The following TTC28 variants were observed in gnomAD, a reference collection of about 807,000 sequenced individuals.
TTC28 encodes the protein tetratricopeptide repeat protein 28.
TTC28 carries 61 observed loss-of-function variants against 198.0 expected under a neutral mutation model. The observed-to-expected ratio is 0.31, with a 90% CI of 0.25 to 0.38. The LOEUF (loss-of-function observed/expected upper bound fraction) is 0.38. TTC28 is among the 10% of genes least tolerant of loss of function. The pLI is 1.00. For synonymous variants in TTC28, 1,171 were observed against 1,297.8 expected (o/e 0.90, Z 2.10); for missense variants, 2,678 against 3,164.0 (o/e 0.85, Z 3.69).
chr22:28,345,381 T>G (rs1458286866), intron 2 of TTC28, among the ~76,000 whole-genome samples: 1 of 152,116 alleles, frequency 6.6e-6, no homozygotes. Flanking sequence ...TCTTATACAG[T>G]GCATGGGACT....
intron 14 of TTC28, among the ~76,000 whole-genome samples, chr22:28,011,331 C>G (rs1314069577): frequency 1.3e-5 from 2 of 152,170 alleles, no homozygotes; most frequent in Non-Finnish European, 2.9e-5. Flanking sequence ...CATGGTGGTT[C>G]ACGCCCGTAA....
rs549713807 is a variant in TTC28, at chr22:27,996,042, C to G, written c.5244+93G>C. 2.0e-6 allele frequency: 3 copies of G among 1,471,760 alleles called. No homozygotes were observed. In the East Asian group the frequency reaches 7.4e-5, roughly 37 times the overall value. 91.2% of individuals were successfully genotyped at this position (1,471,760 alleles called of 1,614,324 possible). The stretch of plus-strand genomic sequence containing the variant: ...GCCCCAATCACGGTGTCCTCTCCAA[C>G]TGCTCACATCCCCGTGTAGGGAAAC... On this transcript the variant is annotated intron_variant, in intron 17 of 22. Coordinates refer to ENST00000397906, the MANE Select transcript of TTC28 (RefSeq NM_001145418.2).
At chr22:28,029,685 C>A (rs1181651213) in intron 13 of TTC28, among the ~76,000 whole-genome samples, 2 of 152,148 alleles carry the variant, frequency 1.3e-5, no homozygotes, top group African/African-American at 4.8e-5. Flanking sequence ...CATCTTAAAG[C>A]CATTAAGGCC....
chr22:28,150,123 G>C (rs1201417655), intron 6 of TTC28, among the ~76,000 whole-genome samples: 1 of 152,150 alleles, frequency 6.6e-6, no homozygotes, highest in Non-Finnish European at 1.5e-5. Flanking sequence ...CCTTTAAATA[G>C]AGTATAAAAT....
intron 5 of TTC28, among the ~76,000 whole-genome samples, chr22:28,209,963 A>G (rs1275989499): frequency 6.6e-6 from 1 of 152,166 alleles, no homozygotes; most frequent in African/African-American, 2.4e-5. Context: ...TCAGGCAGCA[A>G]CATTTGCTGT....
chr22:28,108,342 C>T lies in TTC28; in HGVS notation c.1503G>A (p.Leu501=). 1 of 1,506,020 alleles carries T rather than the reference C, an allele frequency of 6.6e-7. No individual in the cohort carries two copies. The highest frequency in any genetic ancestry group is 2.1e-5 in the Admixed American group (1 of 46,718). The allele number at this position is 1,506,020 out of a possible 1,614,324, so 93.3% of individuals were successfully genotyped here. ...DTALKLHKTH[L]CIAQELSDYA... ...AATCACTCAGCTCCTGGGCAATGCACAGGTGGGTCTTGTGGAGTTTCAGTG... is the reference window on the plus strand; with the variant it reads ...AATCACTCAGCTCCTGGGCAATGCATAGGTGGGTCTTGTGGAGTTTCAGTG... Residue 501 remains leucine (L), a synonymous_variant, in exon 7 of 23, where the codon CTG becomes CTA. Coordinates refer to ENST00000397906, the MANE Select transcript of TTC28 (RefSeq NM_001145418.2).
At chr22:28,009,694 C>T (rs1374313681) in intron 14 of TTC28, among the ~76,000 whole-genome samples, 1 of 152,226 alleles carries the variant, frequency 6.6e-6, no homozygotes. Context: ...CCTCCATCAC[C>T]ACCATTAGCA....
chr22:28,553,475 G>A (rs1233591071), intron 2 of TTC28, among the ~76,000 whole-genome samples: 13 of 150,166 alleles, frequency 8.7e-5, no homozygotes, highest in African/African-American at 2.5e-4. Context: ...CTGCCCGGCC[G>A]CAACCCCGTC....
Position 28,506,491 on chromosome 22 carries a change from T to C in TTC28, c.381+123061A>G, listed in dbSNP as rs1408603300. 2.0e-5 allele frequency among the ~76,000 whole-genome samples: 3 copies of C among 152,096 alleles called. 1 individual carries two copies. The highest frequency in any genetic ancestry group is 2.0e-4 in the Admixed American group (3 of 15,282). Reference sequence around the variant, plus strand: ...CTCAGCTGTTCCGGTCTACCAGCTTTGGAGAACACGAACATTCTGGACAAG... The same window carrying C: ...CTCAGCTGTTCCGGTCTACCAGCTTCGGAGAACACGAACATTCTGGACAAG... On this transcript the variant is annotated intron_variant, in intron 2 of 22. Transcript: ENST00000397906.
intron 2 of TTC28, among the ~76,000 whole-genome samples, chr22:28,338,982 G>GT (rs1001232436): frequency 4.9e-4 from 75 of 152,264 alleles, no homozygotes; most frequent in African/African-American, 1.8e-3. Flanking sequence ...TTTCTGCTCT[G>GT]TTTTTTCCCC....
chr22:28,255,184 A>G (rs984901626), intron 5 of TTC28, among the ~76,000 whole-genome samples: 2 of 152,292 alleles, frequency 1.3e-5, no homozygotes, highest in East Asian at 3.9e-4. Context: ...AAAAAGCAAA[A>G]GACCACACGA....
intron 2 of TTC28, among the ~76,000 whole-genome samples, chr22:28,539,138 T>C (rs966228972): frequency 9.9e-5 from 15 of 152,112 alleles, no homozygotes; most frequent in African/African-American, 3.6e-4. Context: ...ATTGTGAACA[T>C]ACTAAATTTG....
chr22:28,476,008 T>C (rs1207345809), intron 2 of TTC28, among the ~76,000 whole-genome samples: 1 of 152,142 alleles, frequency 6.6e-6, no homozygotes, highest in Non-Finnish European at 1.5e-5. Context: ...AAAGCCAGAG[T>C]AGCTTTTTAA....
chr22:28,302,458 G>A (rs1466549637), intron 3 of TTC28, among the ~76,000 whole-genome samples: 5 of 152,092 alleles, frequency 3.3e-5, no homozygotes, highest in Non-Finnish European at 7.4e-5. Flanking sequence ...CACTGCAGAG[G>A]AAAAGGCATC....
intron 5 of TTC28, among the ~76,000 whole-genome samples, chr22:28,272,408 T>G (rs890331356): frequency 6.6e-6 from 1 of 152,216 alleles, no homozygotes; most frequent in Admixed American, 6.5e-5. Context: ...AGCCCTGATA[T>G]GAGAATAGTC....
At position 27,983,188 on chromosome 22, in the gene TTC28, T is replaced by C; in HGVS notation, c.6479A>G (p.Gln2160Arg). The change falls in exon 23 of 23, where the codon CAA (glutamine) becomes CGA (arginine). Residue 2160 changes from glutamine (Q) to arginine (R), a missense_variant. By Grantham distance (43) the Gln-to-Arg change is conservative (BLOSUM62 1). Transcript: ENST00000397906. The part of the protein sequence containing the change: ...QEESNPKLDP[Q>R]ELAQKILEET... The stretch of plus-strand genomic sequence containing the variant: ...CTCCAGAATTTTCTGGGCTAACTCT[T>C]GTGGATCCAGTTTTGGGTTGCTTTC... 1 of 1,551,834 alleles carries C rather than the reference T, an allele frequency of 6.4e-7. No individual in the cohort carries two copies.
intron 2 of TTC28, among the ~76,000 whole-genome samples, chr22:28,561,575 ATGTCATTCCCC>A (rs2049881683): frequency 6.6e-6 from 1 of 152,162 alleles, no homozygotes; most frequent in African/African-American, 2.4e-5. Flanking sequence ...AATAGATATA[ATGTCATTCCCC>A]TGTGAAAAAC....
At chr22:28,468,463 C>G (rs972120028) in intron 2 of TTC28, among the ~76,000 whole-genome samples, 1 of 152,020 alleles carries the variant, frequency 6.6e-6, no homozygotes, top group African/African-American at 2.4e-5. Flanking sequence ...CTCAGGTTAT[C>G]ATTTCTTTTC....
chr22:28,432,331 T>A (rs1193457229), intron 2 of TTC28, among the ~76,000 whole-genome samples: 1 of 151,642 alleles, frequency 6.6e-6, no homozygotes, highest in African/African-American at 2.4e-5. Flanking sequence ...AATAAAAAAA[T>A]ATAAAATAAA....
Sources: allele counts gnomAD v4.1 joint callset (sites outside exome capture counted in the v4.1 genomes callset), GRCh38; gene constraint gnomAD v4.1.1; transcripts MANE v1.5; gene names NCBI Gene and HGNC (gene_info 2026-07-23, HGNC 2026-07-21).